The following WDR7 variants were observed in gnomAD, a reference collection of about 807,000 sequenced individuals.
The protein encoded by WDR7 is WD repeat domain 7.
Under a neutral mutation model 169.4 loss-of-function variants are expected in WDR7, and 46 were observed. That is an observed-to-expected ratio of 0.27 (90% CI 0.21 to 0.35). The LOEUF (loss-of-function observed/expected upper bound fraction) is 0.35, where lower values mean the gene tolerates loss of function less well. Ranked by LOEUF, WDR7 falls within the 10% of genes least tolerant of loss-of-function variation. WDR7 has a pLI of 1.00. For synonymous variants in WDR7, 612 were observed against 666.8 expected, an observed-to-expected ratio of 0.92 and a Z score of 1.27; for missense variants, 1,534 against 1,859.3, an observed-to-expected ratio of 0.83 and a Z score of 3.22.
At chr18:56,940,920 C>A (rs2145706061) in intron 25 of WDR7, among the ~76,000 whole-genome samples, 1 of 152,314 alleles carries the variant, frequency 6.6e-6, no homozygotes, top group Non-Finnish European at 1.5e-5. Flanking sequence ...GCTGCATATG[C>A]ACTTTTGTTT....
intron 20 of WDR7, among the ~76,000 whole-genome samples, chr18:56,874,219 T>C (rs1263189419): frequency 6.6e-6 from 1 of 152,320 alleles, no homozygotes; most frequent in East Asian, 1.9e-4. Context: ...ATGTTAAATA[T>C]CACTTTTTCT....
intron 12 of WDR7, among the ~76,000 whole-genome samples, chr18:56,709,012 A>G (rs566171874): frequency 6.6e-6 from 1 of 152,350 alleles, no homozygotes; most frequent in Admixed American, 6.5e-5. Flanking sequence ...CTCAGTCTCT[A>G]AAACCCATAA....
At position 56,666,948 on chromosome 18, in the gene WDR7, T is replaced by TA. The variant is rs2025038510; in HGVS notation, c.-19-5543dup. Among the ~76,000 whole-genome samples, 2 of 151,576 alleles carry TA rather than the reference T, an allele frequency of 1.3e-5. 1 individual carries two copies. ...CGTTTCTTTTTTAAATGCTTAAATA[T>TA]AAAAAATAAAAGCAAAACAGCAGGA... On this transcript the variant is annotated intron_variant, in intron 1 of 27. Transcript: ENST00000254442.
chr18:56,805,083 C>A (rs376471349), intron 19 of WDR7, among the ~76,000 whole-genome samples: 1 of 152,036 alleles, frequency 6.6e-6, no homozygotes, highest in Admixed American at 6.6e-5. Context: ...TCACATTAAT[C>A]GTCTCTGGAA....
intron 20 of WDR7, among the ~76,000 whole-genome samples, chr18:56,878,880 A>G (rs962322934): frequency 2.6e-5 from 4 of 152,200 alleles, no homozygotes; most frequent in Non-Finnish European, 4.4e-5. Context: ...TGTGGCATGT[A>G]TCATTACTTC....
intron 17 of WDR7, 98 bp downstream of exon 17, chr18:56,776,978 T>A (rs1310714935): frequency 2.6e-6 from 3 of 1,143,326 alleles, no homozygotes; most frequent in Admixed American, 1.8e-5. Flanking sequence ...TGCTTTGTTA[T>A]GTATGAGATT....
chr18:56,797,486 A>G (rs2044603416), intron 19 of WDR7, among the ~76,000 whole-genome samples: 1 of 152,106 alleles, frequency 6.6e-6, no homozygotes, highest in Non-Finnish European at 1.5e-5. Flanking sequence ...TTTTTAAAAT[A>G]TAAATGGTAT....
chr18:56,738,852 A>G (rs1320349893), intron 14 of WDR7, among the ~76,000 whole-genome samples: 1 of 123,612 alleles, frequency 8.1e-6, no homozygotes, highest in Non-Finnish European at 1.6e-5. Context: ...CTTTTTGAAT[A>G]GGAAACATTA....
chr18:56,834,560 C>G (rs149622286), intron 20 of WDR7, among the ~76,000 whole-genome samples: 3 of 151,988 alleles, frequency 2.0e-5, no homozygotes, highest in Admixed American at 2.0e-4. Flanking sequence ...AGACCCTTCT[C>G]TCTTCCATTT....
intron 20 of WDR7, among the ~76,000 whole-genome samples, chr18:56,871,455 G>T (rs1901134398): frequency 6.6e-6 from 1 of 152,034 alleles, no homozygotes; most frequent in African/African-American, 2.4e-5. Flanking sequence ...CAAAGTCACG[G>T]TTATTTTTAA....
intron 20 of WDR7, among the ~76,000 whole-genome samples, chr18:56,839,354 T>C (rs547889781): frequency 1.6e-4 from 25 of 152,296 alleles, no homozygotes; most frequent in African/African-American, 4.6e-4. Context: ...TTTCATCTAT[T>C]CTTCCCTTCA....
chr18:56,682,243 A>C lies in WDR7; in HGVS notation c.346-436A>C, dbSNP rs143336095. On this transcript the variant is annotated intron_variant, in intron 4 of 27. Coordinates refer to ENST00000254442, the MANE Select transcript of WDR7 (RefSeq NM_015285.3). ...AATTGTATTTGCATAACTAGTAATT[A>C]TAAGCTTATATTTCCCTATTTCTAC... Among the ~76,000 whole-genome samples the C allele has an allele frequency of 1.9e-3, 293 of 152,348 alleles. 1 individual carries two copies. The highest frequency in any genetic ancestry group is 6.9e-3 in the African/African-American group (286 of 41,584).
At chr18:56,681,654 C>T (rs773440723) in intron 4 of WDR7, among the ~76,000 whole-genome samples, 9 of 152,150 alleles carry the variant, frequency 5.9e-5, no homozygotes, top group South Asian at 2.1e-4. Context: ...CCTTGGTTAC[C>T]CAAGTGAGAG....
At chr18:56,966,577 TG>T (rs1267802781) in intron 26 of WDR7, among the ~76,000 whole-genome samples, 1 of 152,174 alleles carries the variant, frequency 6.6e-6, no homozygotes, top group East Asian at 1.9e-4. Context: ...GTCAACTTAT[TG>T]GTTAAGGCTT....
At chr18:56,928,910 A>G (rs1297170004) in intron 22 of WDR7, among the ~76,000 whole-genome samples, 1 of 152,234 alleles carries the variant, frequency 6.6e-6, no homozygotes, top group Non-Finnish European at 1.5e-5. Flanking sequence ...TCCAAATCTT[A>G]ACATCCACAG....
chr18:56,828,933 C>G (rs2045260258), intron 20 of WDR7, among the ~76,000 whole-genome samples: 1 of 151,812 alleles, frequency 6.6e-6, no homozygotes, highest in Non-Finnish European at 1.5e-5. Context: ...CTTTATATAA[C>G]CCTTTATATA....
At chr18:56,900,082 G>GTA (rs1191116351) in intron 21 of WDR7, among the ~76,000 whole-genome samples, 1,593 of 31,996 alleles carry the variant, frequency 0.05, 15 homozygotes, top group Middle Eastern at 0.1. Flanking sequence ...GTGTGTGTGT[G>GTA]TATATATATA....
chr18:57,005,583 G>A (rs1452013124), intron 26 of WDR7, among the ~76,000 whole-genome samples: 1 of 152,092 alleles, frequency 6.6e-6, no homozygotes, highest in Non-Finnish European at 1.5e-5. Context: ...GATTTGATGA[G>A]TAAGTATATT....
At chr18:56,895,997 T>G (rs2046327859) in intron 21 of WDR7, among the ~76,000 whole-genome samples, 1 of 151,876 alleles carries the variant, frequency 6.6e-6, no homozygotes, top group Non-Finnish European at 1.5e-5. Flanking sequence ...GTGCTGACAA[T>G]ATACTGGTTA....
Sources: gnomAD v4.1 joint callset for allele counts (sites outside exome capture counted in the v4.1 genomes callset) on GRCh38, gnomAD v4.1.1 for gene constraint, MANE v1.5 for transcripts, NCBI Gene and HGNC (gene_info 2026-07-23, HGNC 2026-07-21) for gene names.